Variants in KAZN observed in about 807,000 individuals in gnomAD.
The protein encoded by KAZN is kazrin.
Under a neutral mutation model 87.4 loss-of-function variants are expected in KAZN, and 40 were observed. The ratio of observed to expected loss-of-function variants is 0.46; its 90% CI spans 0.36 to 0.60. The LOEUF (loss-of-function observed/expected upper bound fraction) is 0.60, where lower values mean the gene tolerates loss of function less well. Among genes scored for constraint, KAZN ranks in the 20% least tolerant of loss-of-function variants. KAZN has a pLI of 0.00. For synonymous variants in KAZN, 466 were observed against 458.3 expected (o/e 1.02, Z -0.22); for missense variants, 898 against 1,073.9 (o/e 0.84, Z 2.29).
intron 2 of KAZN, among the ~76,000 whole-genome samples, chr1:14,566,067 A>C (rs1674531678): frequency 6.6e-6 from 1 of 152,160 alleles, no homozygotes; most frequent in Non-Finnish European, 1.5e-5. Context: ...TTTTCAATTT[A>C]CTCAGGCCCA....
chr1:14,333,767 A>G (rs1229118909), intron 2 of KAZN, among the ~76,000 whole-genome samples: 4 of 152,140 alleles, frequency 2.6e-5, no homozygotes, highest in African/African-American at 9.7e-5. Context: ...AGAGGGCTTC[A>G]GTGAGGTGGT....
At chr1:14,190,222 C>T (rs142180980) in intron 2 of KAZN, among the ~76,000 whole-genome samples, 81 of 152,256 alleles carry the variant, frequency 5.3e-4, no homozygotes, top group Non-Finnish European at 1.0e-3. Flanking sequence ...TACCAACAAC[C>T]TGAAAGTCAC....
intron 2 of KAZN, among the ~76,000 whole-genome samples, chr1:14,541,381 A>G (rs929120148): frequency 6.6e-6 from 1 of 152,228 alleles, no homozygotes; most frequent in East Asian, 1.9e-4. Context: ...GGGCATGTGA[A>G]TATGTGTTCT....
At chr1:14,905,747 G>A (rs1040221185) in intron 1 of KAZN, among the ~76,000 whole-genome samples, 1 of 151,658 alleles carries the variant, frequency 6.6e-6, no homozygotes, top group Non-Finnish European at 1.5e-5. Context: ...GGGAGGCTGA[G>A]GCAGGAGAAT....
intron 1 of KAZN, among the ~76,000 whole-genome samples, chr1:14,682,804 T>G (rs2148765984): frequency 6.6e-6 from 1 of 152,306 alleles, no homozygotes; most frequent in South Asian, 2.1e-4. Flanking sequence ...GGTCTTTAAA[T>G]GCAAACAAGT....
chr1:14,794,525 G>A (rs1255207115), intron 1 of KAZN, among the ~76,000 whole-genome samples: 1 of 152,186 alleles, frequency 6.6e-6, no homozygotes, highest in African/African-American at 2.4e-5. Context: ...CTCACTGCGG[G>A]GCCAGGGTAG....
At chr1:15,030,487 G>A (rs1473149185) in intron 2 of KAZN, among the ~76,000 whole-genome samples, 7 of 152,126 alleles carry the variant, frequency 4.6e-5, no homozygotes, top group African/African-American at 9.7e-5. Flanking sequence ...GGCTGGTCTC[G>A]AACTCCTGAC....
At chr1:14,414,203 G>T (rs949517133) in intron 2 of KAZN, among the ~76,000 whole-genome samples, 1 of 152,114 alleles carries the variant, frequency 6.6e-6, no homozygotes, top group African/African-American at 2.4e-5. Flanking sequence ...GCGGAATTTG[G>T]CAATATTTAG....
At chr1:14,383,938 T>C (rs1414466047) in intron 2 of KAZN, among the ~76,000 whole-genome samples, 4 of 152,088 alleles carry the variant, frequency 2.6e-5, no homozygotes, top group Non-Finnish European at 4.4e-5. Flanking sequence ...TGATTCTTCC[T>C]ACCCATGAGC....
intron 2 of KAZN, among the ~76,000 whole-genome samples, chr1:14,439,856 G>C (rs72872304): frequency 0.013 from 1,974 of 151,920 alleles, 40 homozygotes; most frequent in African/African-American, 0.044. Flanking sequence ...CAAAAGCACA[G>C]GCTCTACACT....
At chr1:14,802,431 A>C (rs1259941451) in intron 1 of KAZN, among the ~76,000 whole-genome samples, 3 of 150,420 alleles carry the variant, frequency 2.0e-5, no homozygotes, top group Admixed American at 1.3e-4. Flanking sequence ...AAATTGGGAC[A>C]ATTTTGCCAC....
intron 2 of KAZN, among the ~76,000 whole-genome samples, chr1:14,365,356 C>T (rs536847467): frequency 4.6e-4 from 34 of 74,690 alleles, no homozygotes; most frequent in African/African-American, 1.7e-3. Flanking sequence ...CGCCCACCCC[C>T]TCCCCCCGGG....
At chr1:14,614,778 G>T (rs1678093367) in intron 1 of KAZN, among the ~76,000 whole-genome samples, 1 of 152,232 alleles carries the variant, frequency 6.6e-6, no homozygotes, top group South Asian at 2.1e-4. Context: ...GGGCCTCCCG[G>T]GTTTTTGTAT....
chr1:14,376,726 T>C (rs1660945086), intron 2 of KAZN, among the ~76,000 whole-genome samples: 1 of 152,218 alleles, frequency 6.6e-6, no homozygotes. Flanking sequence ...GGGCAAATCA[T>C]ATGACCTCTG....
chr1:14,132,114 G>C (rs564392567), intron 1 of KAZN, among the ~76,000 whole-genome samples: 38 of 152,208 alleles, frequency 2.5e-4, no homozygotes, highest in African/African-American at 8.9e-4. Context: ...AACAAATGAG[G>C]CTCAGCCCTA....
intron 2 of KAZN, among the ~76,000 whole-genome samples, chr1:14,446,022 C>T (rs897285776): frequency 1.5e-4 from 20 of 137,048 alleles, no homozygotes; most frequent in African/African-American, 4.0e-4. Flanking sequence ...AAGACCCCAT[C>T]TCTACAAAAA....
chr1:14,410,498 G>A (rs1474052576), intron 2 of KAZN, among the ~76,000 whole-genome samples: 1 of 152,218 alleles, frequency 6.6e-6, no homozygotes, highest in Non-Finnish European at 1.5e-5. Context: ...TGACGGACAT[G>A]CATAGTAGAT....
chr1:14,585,875 T>C (rs1033239651), intron 2 of KAZN, among the ~76,000 whole-genome samples: 2 of 152,162 alleles, frequency 1.3e-5, no homozygotes, highest in African/African-American at 2.4e-5. Flanking sequence ...CTTCTGCTGA[T>C]TGTCTGTTAG....
At chr1:14,400,689 A>C (rs907486948) in intron 2 of KAZN, among the ~76,000 whole-genome samples, 1 of 152,180 alleles carries the variant, frequency 6.6e-6, no homozygotes, top group African/African-American at 2.4e-5. Flanking sequence ...TCAGCCCATC[A>C]ACCCTCAATA....
Sources: gnomAD v4.1 joint callset for allele counts (sites outside exome capture counted in the v4.1 genomes callset) on GRCh38, gnomAD v4.1.1 for gene constraint, MANE v1.5 for transcripts, NCBI Gene and HGNC (gene_info 2026-07-23, HGNC 2026-07-21) for gene names.